DLGAP2: variants seen among roughly 807,000 people sequenced by gnomAD.
The protein encoded by DLGAP2 is DLG associated protein 2.
In DLGAP2, 26 loss-of-function variants were observed where a neutral mutation model predicts 100.3. The ratio of observed to expected loss-of-function variants is 0.26; its 90% CI spans 0.19 to 0.36. The LOEUF is 0.36. Among genes scored for constraint, DLGAP2 ranks in the 10% least tolerant of loss-of-function variants. DLGAP2 has a pLI of 1.00. For missense variants in DLGAP2, 1,858 were observed against 1,453.2 expected, an observed-to-expected ratio of 1.28 and a Z score of -4.53; for synonymous variants, 886 against 630.1, an observed-to-expected ratio of 1.41 and a Z score of -6.08.
chr8:831,072 A>T (rs1431156094), intron 1 of DLGAP2, among the ~76,000 whole-genome samples: 1 of 151,530 alleles, frequency 6.6e-6, no homozygotes, highest in African/African-American at 2.4e-5. Context: ...ATTTTTTTGT[A>T]CTTTTAGTAA....
chr8:1,660,167 G>A (rs1798377297), intron 8 of DLGAP2, among the ~76,000 whole-genome samples: 1 of 152,098 alleles, frequency 6.6e-6, no homozygotes, highest in African/African-American at 2.4e-5. Flanking sequence ...TTGAATATTG[G>A]CCCCCACTCT....
chr8:781,669 C>T (rs940772427), intron 1 of DLGAP2, among the ~76,000 whole-genome samples: 1 of 152,058 alleles, frequency 6.6e-6, no homozygotes, highest in African/African-American at 2.4e-5. Flanking sequence ...GGTGATTTGG[C>T]TGAACATTTA....
intron 3 of DLGAP2, among the ~76,000 whole-genome samples, chr8:1,334,476 C>A (rs1449164439): frequency 6.6e-6 from 1 of 152,216 alleles, no homozygotes; most frequent in Non-Finnish European, 1.5e-5. Context: ...CTCAGGCCTA[C>A]TTTTCGTTCC....
intron 2 of DLGAP2, among the ~76,000 whole-genome samples, chr8:1,209,005 C>G (rs542849140): frequency 6.6e-6 from 1 of 152,188 alleles, no homozygotes; most frequent in Admixed American, 6.5e-5. Flanking sequence ...TCATAGATGA[C>G]ACAAACAAAT....
At chr8:1,160,983 ATG>A (rs1193133540) in intron 2 of DLGAP2, among the ~76,000 whole-genome samples, 1 of 152,226 alleles carries the variant, frequency 6.6e-6, no homozygotes, top group African/African-American at 2.4e-5. Context: ...ATGTTGGTGA[ATG>A]TATTTCATAA....
intron 3 of DLGAP2, among the ~76,000 whole-genome samples, chr8:1,311,114 C>T (rs1800604224): frequency 6.6e-6 from 1 of 151,184 alleles, no homozygotes; most frequent in Non-Finnish European, 1.5e-5. Context: ...CTACAGACCA[C>T]ACAAATAAAA....
intron 3 of DLGAP2, among the ~76,000 whole-genome samples, chr8:1,292,936 C>G (rs552202445): frequency 2.6e-5 from 4 of 152,174 alleles, no homozygotes; most frequent in Non-Finnish European, 5.9e-5. Flanking sequence ...CGTGTCCTCC[C>G]TGCATTAGGA....
At position 1,701,467 on chromosome 8, in the gene DLGAP2, G is replaced by A. The variant is rs1799568433; in HGVS notation, c.*61G>A. ...CTTTCCCGGACGCTTGTGCAGCGCG[G>A]CGCCGCCCTGGTGGTTTCTGTCTCC... On this transcript the variant is annotated 3_prime_UTR_variant, in exon 15 of 15. Transcript: ENST00000637795. The A allele has an allele frequency of 4.0e-6, 6 of 1,494,334 alleles. No homozygotes were observed. In the South Asian group the frequency reaches 6.2e-5, roughly 15 times the overall value. The allele number at this position is 1,494,334 out of a possible 1,614,324, so 92.6% of individuals were successfully genotyped here.
intron 2 of DLGAP2, among the ~76,000 whole-genome samples, chr8:1,085,890 C>A (rs1803959514): frequency 6.6e-6 from 1 of 152,140 alleles, no homozygotes; most frequent in Admixed American, 6.5e-5. Context: ...TATTTCAATC[C>A]ATGAACACAG....
At chr8:1,095,290 T>A (rs1464848100) in intron 2 of DLGAP2, among the ~76,000 whole-genome samples, 1 of 152,198 alleles carries the variant, frequency 6.6e-6, no homozygotes, top group Non-Finnish European at 1.5e-5. Flanking sequence ...GAGATGGGTT[T>A]AGCACCCAAA....
At chr8:1,522,027 G>A (rs1800618260) in intron 4 of DLGAP2, among the ~76,000 whole-genome samples, 1 of 148,716 alleles carries the variant, frequency 6.7e-6, no homozygotes, top group Admixed American at 6.7e-5. Context: ...CAGGTGATTT[G>A]GGGCGTCTCT....
intron 3 of DLGAP2, among the ~76,000 whole-genome samples, chr8:1,458,642 C>T (rs1798386793): frequency 6.6e-6 from 1 of 152,218 alleles, no homozygotes; most frequent in African/African-American, 2.4e-5. Context: ...TCTGAGCCTC[C>T]AGCAGCACAG....
chr8:1,684,654 G>A (rs1181930724), intron 12 of DLGAP2, among the ~76,000 whole-genome samples: 2 of 152,080 alleles, frequency 1.3e-5, no homozygotes, highest in Non-Finnish European at 2.9e-5. Flanking sequence ...TCTGCATAAA[G>A]TCACATTAAT....
At chr8:1,592,549 C>A (rs1470631670) in intron 6 of DLGAP2, among the ~76,000 whole-genome samples, 1 of 152,086 alleles carries the variant, frequency 6.6e-6, no homozygotes, top group Non-Finnish European at 1.5e-5. Flanking sequence ...ATTCCAACAT[C>A]CTCCTAGTCC....
chr8:1,163,982 C>G, intron 2 of DLGAP2, among the ~76,000 whole-genome samples: 1 of 152,236 alleles, frequency 6.6e-6, no homozygotes. Context: ...CGAGAGCCCT[C>G]TAAGACTCAG....
At position 1,111,075 on chromosome 8, in the gene DLGAP2, A is replaced by G. The variant is rs532065339; in HGVS notation, c.74-147776A>G. On this transcript the variant is annotated intron_variant, in intron 2 of 14. Transcript: ENST00000637795. ...TGCCACCTGCACGCCACAGTGCCCG[A>G]CTCCGGGGCTGCTTTCTGCCCGGGC... Among the ~76,000 whole-genome samples, 10 of 152,228 alleles carry G rather than the reference A, an allele frequency of 6.6e-5. No homozygotes were observed. The South Asian group carries it at 1.2e-3, about 19-fold the overall frequency.
intron 3 of DLGAP2, among the ~76,000 whole-genome samples, chr8:1,441,989 C>T (rs919495594): frequency 6.6e-6 from 1 of 152,112 alleles, no homozygotes; most frequent in Non-Finnish European, 1.5e-5. Context: ...AACCATGATC[C>T]TCAGCAAACT....
chr8:1,617,043 G>A (rs756131245), intron 6 of DLGAP2, among the ~76,000 whole-genome samples: 5 of 152,168 alleles, frequency 3.3e-5, no homozygotes, highest in Non-Finnish European at 7.3e-5. Context: ...CTCCATCCAT[G>A]TTGCTGCAAA....
chr8:1,139,243 T>A (rs1796479198), intron 2 of DLGAP2, among the ~76,000 whole-genome samples: 1 of 152,224 alleles, frequency 6.6e-6, no homozygotes, highest in Non-Finnish European at 1.5e-5. Flanking sequence ...TGCCCCTCGT[T>A]GCCCCTGTGT....
Sources: gnomAD v4.1 joint callset for allele counts (sites outside exome capture counted in the v4.1 genomes callset) on GRCh38, gnomAD v4.1.1 for gene constraint, MANE v1.5 for transcripts, NCBI Gene and HGNC (gene_info 2026-07-23, HGNC 2026-07-21) for gene names.